The following IREB2 variants were observed in gnomAD, a reference collection of about 807,000 sequenced individuals.
IREB2 encodes the protein iron responsive element binding protein 2, also known as iron-responsive element-binding protein 2.
IREB2 carries 39 observed loss-of-function variants against 118.8 expected under a neutral mutation model. The ratio of observed to expected loss-of-function variants is 0.33; its 90% CI spans 0.25 to 0.43. IREB2 has a LOEUF of 0.43. IREB2 is among the 20% of genes least tolerant of loss of function. The pLI is 1.00. For missense variants in IREB2, 900 were observed against 1,147.3 expected (o/e 0.78, Z 3.11); for synonymous variants, 372 against 392.2 (o/e 0.95, Z 0.61).
chr15:78,443,678 G>A (rs554848993), intron 2 of IREB2, among the ~76,000 whole-genome samples: 4 of 151,598 alleles, frequency 2.6e-5, no homozygotes, highest in Non-Finnish European at 4.4e-5. Flanking sequence ...ACAGAGGCTC[G>A]CTCTGTTACC....
intron 7 of IREB2, 32 bp from the exon 8 acceptor site, chr15:78,473,210 C>G: frequency 6.3e-7 from 1 of 1,595,152 alleles, no homozygotes; most frequent in Non-Finnish European, 8.6e-7. Flanking sequence ...TTTAAATATA[C>G]TGTGCTAATA....
In IREB2 at chr15:78,438,250, G is replaced by T; in HGVS notation, c.-88G>T. 1.9e-6 allele frequency: 2 copies of T among 1,035,820 alleles called. No individual in the cohort carries two copies. The allele number at this position is 1,035,820 out of a possible 1,614,324, so 64.2% of individuals were successfully genotyped here. A position where few individuals can be genotyped will look rare whatever the true frequency, so the allele number is the denominator to read the frequency against. The stretch of plus-strand genomic sequence containing the variant: ...TCCTTCTTTCCTCCCTTGCCAGTCC[G>T]CCTGTCTTCCTCCCCGTCTTCCCTG... On this transcript the variant is annotated 5_prime_UTR_variant, in exon 1 of 22. Coordinates refer to ENST00000258886, the MANE Select transcript of IREB2 (RefSeq NM_004136.4).
intron 21 of IREB2, 126 bp from the exon 22 acceptor site, chr15:78,497,907 A>G (rs2051864656): frequency 1.7e-6 from 1 of 588,030 alleles, no homozygotes; most frequent in Non-Finnish European, 3.0e-6. Context: ...AGAAATTAGA[A>G]CCAAGATAAA....
intron 1 of IREB2, 70 bp downstream of exon 1, chr15:78,438,426 C>A (rs1273266926): frequency 6.5e-7 from 1 of 1,531,318 alleles, no homozygotes. Flanking sequence ...GAATTCCTTG[C>A]TTTTCTCGCC....
intron 2 of IREB2, among the ~76,000 whole-genome samples, chr15:78,451,350 C>CT (rs1255449929): frequency 6.7e-6 from 1 of 149,332 alleles, no homozygotes; most frequent in Non-Finnish European, 1.5e-5. Context: ...AAAAACTGTT[C>CT]TTTAAAAAAA....
At position 78,439,791 on chromosome 15, in the gene IREB2, TC is replaced by T; in HGVS notation, c.20-3del. 1 of 1,542,212 alleles carries T rather than the reference TC, an allele frequency of 6.5e-7. No individual in the cohort carries two copies. Among genetic ancestry groups the T allele is most frequent in the Non-Finnish European group, 8.8e-7 (1 of 1,132,798 alleles). On this transcript the variant is annotated splice_region_variant and splice_polypyrimidine_tract_variant and intron_variant, in intron 1 of 21. Coordinates refer to ENST00000258886, the MANE Select transcript of IREB2 (RefSeq NM_004136.4). The stretch of plus-strand genomic sequence containing the variant: ...ATTTAATGAAAATACAATTTTTTTT[TC>T]AGGATACGCCTTTGAGTACCTTATT...
chr15:78,487,966 A>T, intron 14 of IREB2, 149 bp downstream of exon 14: 3 of 675,320 alleles, frequency 4.4e-6, no homozygotes, highest in Non-Finnish European at 7.3e-6. Flanking sequence ...AAATGATTCA[A>T]TGAATCATTT....
chr15:78,494,325 C>A, intron 20 of IREB2, 61 bp downstream of exon 20: 1 of 1,499,916 alleles, frequency 6.7e-7, no homozygotes, highest in Non-Finnish European at 9.1e-7. Flanking sequence ...TCCCTTTTGT[C>A]AGTAACATCC....
rs1364124831 is a variant in IREB2 at position 78,501,135 on chromosome 15, A to G, written c.*2992A>G. 2 of 152,180 alleles carry G rather than the reference A, an allele frequency of 1.3e-5. No individual in the cohort carries two copies. Among genetic ancestry groups the G allele is most frequent in the Non-Finnish European group, 2.9e-5 (2 of 68,030 alleles). The allele number at this position is 152,180 out of a possible 1,614,324, so 9.4% of individuals were successfully genotyped here. A position where few individuals can be genotyped will look rare whatever the true frequency, so the allele number is the denominator to read the frequency against. On this transcript the variant is annotated 3_prime_UTR_variant, in exon 22 of 22. Coordinates refer to ENST00000258886, the MANE Select transcript of IREB2 (RefSeq NM_004136.4). ...GGTTGGAGTAATAAGAGAGAAGAAGAGGGTGGACTTTGGCTTTTCAGTGTT... is the reference window on the plus strand; with the variant it reads ...GGTTGGAGTAATAAGAGAGAAGAAGGGGGTGGACTTTGGCTTTTCAGTGTT...
At chr15:78,468,975 T>C (rs1566975557) in intron 5 of IREB2, among the ~76,000 whole-genome samples, 1 of 152,236 alleles carries the variant, frequency 6.6e-6, no homozygotes, top group Non-Finnish European at 1.5e-5. Context: ...CTTTAGTTTT[T>C]GTTTCTTTTT....
At chr15:78,490,564 T>G (rs576978558) in intron 17 of IREB2, 38 bp downstream of exon 17, 3 of 1,606,496 alleles carry the variant, frequency 1.9e-6, no homozygotes, top group Non-Finnish European at 2.5e-6. Flanking sequence ...TTAAAGATTG[T>G]TATAAACTAA....
intron 2 of IREB2, among the ~76,000 whole-genome samples, chr15:78,459,829 T>A (rs2051168281): frequency 1.3e-5 from 2 of 152,188 alleles, no homozygotes; most frequent in Admixed American, 6.5e-5. Context: ...TTTCGTGCCA[T>A]TTTTATGTTG....
At chr15:78,469,793 G>A (rs756748682) in intron 5 of IREB2, among the ~76,000 whole-genome samples, 14 of 152,116 alleles carry the variant, frequency 9.2e-5, no homozygotes, top group Non-Finnish European at 1.5e-4. Flanking sequence ...TGGAGGACAC[G>A]TATAATTTAA....
intron 10 of IREB2, among the ~76,000 whole-genome samples, chr15:78,479,399 ATTT>A (rs1158698299): frequency 7.6e-6 from 1 of 130,802 alleles, no homozygotes; most frequent in Admixed American, 7.6e-5. Flanking sequence ...TGGTTTTTGG[ATTT>A]TTTTTTTTTT....
At chr15:78,470,077 G>C (rs2051350045) in intron 5 of IREB2, among the ~76,000 whole-genome samples, 1 of 152,138 alleles carries the variant, frequency 6.6e-6, no homozygotes, top group Non-Finnish European at 1.5e-5. Context: ...TTTGCCAAAA[G>C]CTCTTTTTAA....
intron 1 of IREB2, chr15:78,438,564 G>C: frequency 1.7e-6 from 1 of 591,576 alleles, no homozygotes; most frequent in Middle Eastern, 4.7e-4. Context: ...CCTCCTGCGC[G>C]ACACCCGCAG....
chr15:78,488,067 T>C (rs1015719724), intron 14 of IREB2, 113 bp from the exon 15 acceptor site: 9 of 947,046 alleles, frequency 9.5e-6, no homozygotes, highest in Admixed American at 5.7e-5. Context: ...ATTAGTAATA[T>C]GTTTTTTGGT....
chr15:78,443,172 TAAC>T (rs146425554), intron 2 of IREB2, among the ~76,000 whole-genome samples: 90 of 152,272 alleles, frequency 5.9e-4, no homozygotes, highest in African/African-American at 2.0e-3. Context: ...AGATTAATAA[TAAC>T]TAATAATAAA....
Position 78,485,687 on chromosome 15 carries a change from T to C in IREB2, c.1574-18T>C. 1.2e-6 allele frequency: 2 copies of C among 1,609,106 alleles called. No individual in the cohort carries two copies. The highest frequency in any genetic ancestry group is 1.7e-6 in the Non-Finnish European group (2 of 1,177,658). On this transcript the variant is annotated intron_variant, in intron 12 of 21. Coordinates refer to ENST00000258886, the MANE Select transcript of IREB2 (RefSeq NM_004136.4). The stretch of plus-strand genomic sequence containing the variant: ...AAGAAACATTGCCATAATAAATCAT[T>C]GTTTGTTGGCTGTGCAGGTCTTTTG...
Sources: gnomAD v4.1 joint callset for allele counts (sites outside exome capture counted in the v4.1 genomes callset) on GRCh38, gnomAD v4.1.1 for gene constraint, MANE v1.5 for transcripts, NCBI Gene and HGNC (gene_info 2026-07-23, HGNC 2026-07-21) for gene names.